Variants in FAM135B observed in about 807,000 individuals in gnomAD.
FAM135B encodes the protein protein FAM135B.
Under a neutral mutation model 127.7 loss-of-function variants are expected in FAM135B, and 43 were observed. The ratio of observed to expected loss-of-function variants is 0.34; its 90% confidence interval spans 0.26 to 0.43. FAM135B has a LOEUF of 0.43. FAM135B is among the 20% of genes least tolerant of loss of function. The pLI is 1.00. For synonymous variants in FAM135B, 670 were observed against 665.1 expected (o/e 1.01, Z -0.11); for missense variants, 1,558 against 1,725.6 (o/e 0.90, Z 1.72).
At chr8:138,445,938 T>G (rs983485706) in intron 1 of FAM135B, among the ~76,000 whole-genome samples, 5 of 152,158 alleles carry the variant, frequency 3.3e-5, no homozygotes, top group African/African-American at 7.2e-5. Flanking sequence ...CTTAAGCTGA[T>G]AAGCAACTTC....
At chr8:138,444,929 G>A (rs1396934152) in intron 1 of FAM135B, among the ~76,000 whole-genome samples, 2 of 152,102 alleles carry the variant, frequency 1.3e-5, no homozygotes, top group Admixed American at 6.6e-5. Context: ...GAAGAAAAGA[G>A]AGAAGAATCA....
chr8:138,219,527 A>C (rs78111100), intron 7 of FAM135B, among the ~76,000 whole-genome samples: 11,571 of 152,274 alleles, frequency 0.076, 653 homozygotes, highest in Non-Finnish European at 0.1. Flanking sequence ...GGATCATAAA[A>C]TCTGCGTAAA....
At chr8:138,295,696 T>C (rs1825432188) in intron 3 of FAM135B, among the ~76,000 whole-genome samples, 1 of 152,216 alleles carries the variant, frequency 6.6e-6, no homozygotes, top group Admixed American at 6.5e-5. Context: ...TCGTGTACAT[T>C]AGCAGAGATG....
rs1243777246 is a variant in FAM135B at position 138,243,761 on chromosome 8, T to C, written c.543-693A>G. 1.3e-5 allele frequency among the ~76,000 whole-genome samples: 2 copies of C among 152,254 alleles called. No individual in the cohort carries two copies. The highest frequency in any genetic ancestry group is 6.5e-5 in the Admixed American group (1 of 15,288). Reference sequence around the variant, plus strand: ...TTTATCATATTTGAGTTTATGATCATCTTCCTCTATCTTTACCTGTTTGAT... The same window carrying C: ...TTTATCATATTTGAGTTTATGATCACCTTCCTCTATCTTTACCTGTTTGAT... On this transcript the variant is annotated intron_variant, in intron 6 of 19. Transcript: ENST00000395297. This position sits in a 1 kb window ranked among gnomAD's most constrained non-coding sequence, Gnocchi z 7.5.
chr8:138,211,703 C>A (rs1818156119), intron 7 of FAM135B, among the ~76,000 whole-genome samples: 1 of 152,164 alleles, frequency 6.6e-6, no homozygotes. Flanking sequence ...GCTGTGAACA[C>A]CTTCTATATG....
At chr8:138,352,386 G>A (rs1273117554) in intron 2 of FAM135B, among the ~76,000 whole-genome samples, 2 of 152,164 alleles carry the variant, frequency 1.3e-5, no homozygotes, top group Non-Finnish European at 2.9e-5. Context: ...GTGTACAACT[G>A]TCTAAAATAA....
upstream of FAM135B, among the ~76,000 whole-genome samples, chr8:138,497,560 C>T (rs992232649): frequency 6.6e-6 from 1 of 152,130 alleles, no homozygotes; most frequent in African/African-American, 2.4e-5. Context: ...GACTGTTGAA[C>T]TTGGAAGAGA....
At chr8:138,226,121 TA>T (rs1313884307) in intron 7 of FAM135B, among the ~76,000 whole-genome samples, 1 of 150,286 alleles carries the variant, frequency 6.7e-6, no homozygotes, top group East Asian at 2.0e-4. Context: ...CTTGAAGTTC[TA>T]AAAAAATACA....
At chr8:138,384,218 T>C (rs894988183) in intron 1 of FAM135B, among the ~76,000 whole-genome samples, 1 of 152,202 alleles carries the variant, frequency 6.6e-6, no homozygotes, top group Non-Finnish European at 1.5e-5. Flanking sequence ...TGTCTGACTG[T>C]TGCAATGGGC....
chr8:138,389,524 G>A (rs1435688491), intron 1 of FAM135B, among the ~76,000 whole-genome samples: 1 of 152,146 alleles, frequency 6.6e-6, no homozygotes, highest in Non-Finnish European at 1.5e-5. Context: ...TTACAACACA[G>A]ATGAGCCTTG....
At chr8:138,335,109 G>C (rs1353447469) in intron 2 of FAM135B, among the ~76,000 whole-genome samples, 1 of 152,076 alleles carries the variant, frequency 6.6e-6, no homozygotes, top group Non-Finnish European at 1.5e-5. Flanking sequence ...TTGTTCAACA[G>C]CACAAATGTC....
intron 1 of FAM135B, among the ~76,000 whole-genome samples, chr8:138,391,874 C>A (rs532805107): frequency 6.6e-6 from 1 of 152,080 alleles, no homozygotes; most frequent in Non-Finnish European, 1.5e-5. Context: ...AGTAACAAAG[C>A]GGAATTGGAA....
chr8:138,191,971 G>C (rs765861650), intron 9 of FAM135B, among the ~76,000 whole-genome samples: 1 of 152,212 alleles, frequency 6.6e-6, no homozygotes, highest in Non-Finnish European at 1.5e-5. Context: ...ACACTGGGGA[G>C]GGCTCAGCGT....
chr8:138,199,080 C>T (rs1167979859), intron 7 of FAM135B, among the ~76,000 whole-genome samples: 1 of 152,134 alleles, frequency 6.6e-6, no homozygotes, highest in African/African-American at 2.4e-5. Flanking sequence ...TTCTGCCTTG[C>T]TTGGTCTCCT....
In FAM135B at chr8:138,141,057, G is replaced by A; in HGVS notation, c.3790+141C>T. 1.3e-6 allele frequency: 1 copy of A among 754,114 alleles called. No homozygotes were observed. Among genetic ancestry groups the A allele is most frequent in the Non-Finnish European group, 2.2e-6 (1 of 461,420 alleles). 46.7% of individuals were successfully genotyped at this position (754,114 alleles called of 1,614,324 possible). On this transcript the variant is annotated intron_variant, in intron 17 of 19. Coordinates refer to ENST00000395297, the MANE Select transcript of FAM135B (RefSeq NM_015912.4). This position sits in a 1 kb window ranked among gnomAD's most constrained non-coding sequence, Gnocchi z 4.7. ...CCAGACACAAGGGCCACACCTCTAA[G>A]GCCAGGACTCCTCCCTCCATGCCAT... is the stretch of plus-strand genomic sequence containing the variant.
intron 9 of FAM135B, among the ~76,000 whole-genome samples, chr8:138,182,801 A>T (rs963941049): frequency 2.0e-5 from 3 of 152,222 alleles, no homozygotes; most frequent in Admixed American, 2.0e-4. Context: ...GTCCTCAATT[A>T]TGGTTGCCCA....
chr8:138,206,054 C>T (rs1220819491), intron 7 of FAM135B, among the ~76,000 whole-genome samples: 1 of 151,606 alleles, frequency 6.6e-6, no homozygotes, highest in Non-Finnish European at 1.5e-5. Context: ...TCCAGCATCC[C>T]CGCCATCTAT....
At chr8:138,290,255 ACT>A (rs984623651) in intron 3 of FAM135B, among the ~76,000 whole-genome samples, 1 of 152,134 alleles carries the variant, frequency 6.6e-6, no homozygotes, top group African/African-American at 2.4e-5. Context: ...AGGAGCAAGG[ACT>A]CAGTGATTCT....
intron 2 of FAM135B, among the ~76,000 whole-genome samples, chr8:138,315,587 A>G (rs1827026353): frequency 6.6e-6 from 1 of 152,102 alleles, no homozygotes; most frequent in African/African-American, 2.4e-5. Flanking sequence ...CCAGCAATGA[A>G]TCAATGAATA....
Sources: gnomAD v4.1 joint callset for allele counts (sites outside exome capture counted in the v4.1 genomes callset) on GRCh38, gnomAD v4.1.1 for gene constraint, Gnocchi (gnomAD v3.1) non-coding constraint, MANE v1.5 for transcripts, NCBI Gene and HGNC (gene_info 2026-07-23, HGNC 2026-07-21) for gene names.